NKAIN3: variants seen among roughly 807,000 people sequenced by gnomAD.
NKAIN3 encodes the protein sodium/potassium-transporting ATPase subunit beta-1-interacting protein 3.
NKAIN3 carries 25 observed loss-of-function variants against 30.2 expected under a neutral mutation model. The observed-to-expected ratio is 0.83, with a 90% confidence interval of 0.60 to 1.16. NKAIN3 has a LOEUF of 1.16. NKAIN3 is among the 50% of genes most tolerant of loss of function. The pLI, the probability that NKAIN3 is intolerant of heterozygous loss-of-function variation, is 0.00. For missense variants in NKAIN3, 225 were observed against 254.1 expected (o/e 0.89, Z 0.78); for synonymous variants, 91 against 89.6 (o/e 1.02, Z -0.09).
At chr8:62,866,595 A>G (rs895994449) in intron 4 of NKAIN3, among the ~76,000 whole-genome samples, 8 of 152,198 alleles carry the variant, frequency 5.3e-5, no homozygotes, top group African/African-American at 1.9e-4. Context: ...AGTGGATTCA[A>G]TGTCTTTTTA....
In NKAIN3 at chr8:62,711,712, T is replaced by A. The variant is rs548679671; in HGVS notation, c.274-35220T>A. On this transcript the variant is annotated intron_variant, in intron 3 of 6. Transcript: ENST00000623646. Reference sequence around the variant, plus strand: ...TCTGGTCCCTCCCTGATTAGCTTAATAACTAACCTCCTGAATTCTTTTTCA... The same window carrying A: ...TCTGGTCCCTCCCTGATTAGCTTAAAAACTAACCTCCTGAATTCTTTTTCA... Among the ~76,000 whole-genome samples, 7 of 152,328 alleles carry A rather than the reference T, an allele frequency of 4.6e-5. No individual in the cohort carries two copies. In the South Asian group the frequency reaches 1.5e-3, roughly 32 times the overall value.
At chr8:62,485,659 G>A (rs1156542610) in intron 1 of NKAIN3, among the ~76,000 whole-genome samples, 1 of 152,182 alleles carries the variant, frequency 6.6e-6, no homozygotes, top group Admixed American at 6.5e-5. Flanking sequence ...TGGCAGCAGT[G>A]CTGAGGACGG....
At chr8:62,756,626 G>T (rs574448151) in intron 4 of NKAIN3, among the ~76,000 whole-genome samples, 1 of 152,240 alleles carries the variant, frequency 6.6e-6, no homozygotes, top group South Asian at 2.1e-4. Flanking sequence ...CTGCGTTACA[G>T]ATAGCAACTG....
At chr8:62,793,424 G>C (rs1343850799) in intron 4 of NKAIN3, among the ~76,000 whole-genome samples, 1 of 152,144 alleles carries the variant, frequency 6.6e-6, no homozygotes, top group Admixed American at 6.5e-5. Flanking sequence ...TTTGGCTTCA[G>C]CTTTCTCAGC....
intron 4 of NKAIN3, chr8:62,864,148 G>T (rs879258470): frequency 1.6e-6 from 1 of 623,782 alleles, no homozygotes; most frequent in Admixed American, 2.9e-5. Context: ...GCGGAAACCA[G>T]CCGGGCTGCG....
At position 62,878,299 on chromosome 8, in the gene NKAIN3, T is replaced by A. The variant is rs540844336; in HGVS notation, c.472-40154T>A. On this transcript the variant is annotated intron_variant, in intron 4 of 6. Coordinates refer to ENST00000623646, the MANE Select transcript of NKAIN3 (RefSeq NM_001304533.3). Reference sequence around the variant, plus strand: ...CCAATGAAGACCATACTCCACTGAATCAAATAATCCTTTTCTTATCAATTA... The same window carrying A: ...CCAATGAAGACCATACTCCACTGAAACAAATAATCCTTTTCTTATCAATTA... Among the ~76,000 whole-genome samples, 3 of 152,214 alleles carry A rather than the reference T, an allele frequency of 2.0e-5. No homozygotes were observed. The East Asian group carries it at 5.8e-4, about 29-fold the overall frequency.
At chr8:62,452,982 TA>T (rs1479642532) in intron 1 of NKAIN3, among the ~76,000 whole-genome samples, 1 of 152,098 alleles carries the variant, frequency 6.6e-6, no homozygotes, top group African/African-American at 2.4e-5. Flanking sequence ...TAAGTTTGGG[TA>T]AATCAGAAAA....
At chr8:62,985,182 C>A (rs1563655304), downstream of NKAIN3, among the ~76,000 whole-genome samples, 3 of 152,214 alleles carry the variant, frequency 2.0e-5, no homozygotes, top group Non-Finnish European at 4.4e-5. Flanking sequence ...GGCTTCCCCA[C>A]CAATGCCCCT....
intron 1 of NKAIN3, among the ~76,000 whole-genome samples, chr8:62,357,142 G>C (rs1816387888): frequency 6.6e-6 from 1 of 151,134 alleles, no homozygotes; most frequent in South Asian, 2.1e-4. Flanking sequence ...AGGCATTCCA[G>C]GACCAGGTGC....
At chr8:62,987,685 G>A (rs535591894), downstream of NKAIN3, among the ~76,000 whole-genome samples, 1 of 152,038 alleles carries the variant, frequency 6.6e-6, no homozygotes, top group Admixed American at 6.5e-5. Flanking sequence ...TAACACATGG[G>A]AATTATGACA....
At chr8:62,532,110 T>G (rs1459899236) in intron 1 of NKAIN3, among the ~76,000 whole-genome samples, 2 of 152,228 alleles carry the variant, frequency 1.3e-5, no homozygotes, top group Admixed American at 1.3e-4. Context: ...TCTGATGCTT[T>G]CTTTCTTGAA....
chr8:62,821,199 A>G (rs1460849802), intron 4 of NKAIN3, among the ~76,000 whole-genome samples: 16 of 152,216 alleles, frequency 1.1e-4, no homozygotes, highest in Admixed American at 8.5e-4. Context: ...TACAAAGTCA[A>G]TTCTCAGATA....
chr8:62,856,295 C>G (rs1032386263), intron 4 of NKAIN3: 21 of 937,644 alleles, frequency 2.2e-5, no homozygotes, highest in Non-Finnish European at 3.2e-5. Context: ...ATTATAAATG[C>G]CCAGAGATCA....
intron 3 of NKAIN3, among the ~76,000 whole-genome samples, chr8:62,656,713 C>A (rs748535413): frequency 9.9e-5 from 15 of 152,142 alleles, no homozygotes; most frequent in Non-Finnish European, 1.9e-4. Flanking sequence ...CTAGTCACAA[C>A]CACTCCCCTG....
Position 62,891,755 on chromosome 8 carries a change from C to T in NKAIN3, c.472-26698C>T, listed in dbSNP as rs188410760. On this transcript the variant is annotated intron_variant, in intron 4 of 6. Transcript: ENST00000623646. ...ATGTAGATAAAAATCCTTCAAAAGC[C>T]ACAAGATATAGTTTCAGCCTTAAGA... 3.9e-5 allele frequency among the ~76,000 whole-genome samples: 6 copies of T among 152,210 alleles called. No individual in the cohort carries two copies. In the South Asian group the frequency reaches 1.0e-3, roughly 26 times the overall value.
intron 4 of NKAIN3, among the ~76,000 whole-genome samples, chr8:62,819,154 T>TATATATATATATATATATATATATATAA (rs1184020630): frequency 3.1e-5 from 1 of 32,720 alleles, no homozygotes; most frequent in African/African-American, 7.6e-5. Context: ...TATATATACA[T>TATATATATATATATATATATATATATAA]ATATATATAT....
intron 3 of NKAIN3, among the ~76,000 whole-genome samples, chr8:62,623,370 A>G (rs1156860111): frequency 6.6e-6 from 1 of 152,138 alleles, no homozygotes; most frequent in Non-Finnish European, 1.5e-5. Flanking sequence ...ATGTAAAATG[A>G]TCTTAAATAA....
At chr8:62,913,561 A>C (rs938223947) in intron 4 of NKAIN3, among the ~76,000 whole-genome samples, 8 of 152,230 alleles carry the variant, frequency 5.3e-5, no homozygotes, top group Non-Finnish European at 2.9e-5. Flanking sequence ...GATGAATTAC[A>C]ATCTCTGTGC....
At chr8:62,452,148 A>G (rs1223855186) in intron 1 of NKAIN3, among the ~76,000 whole-genome samples, 1 of 152,144 alleles carries the variant, frequency 6.6e-6, no homozygotes, top group Non-Finnish European at 1.5e-5. Flanking sequence ...CAATTTATAT[A>G]TTAAACCAAA....
Sources: allele counts gnomAD v4.1 joint callset (sites outside exome capture counted in the v4.1 genomes callset), GRCh38; gene constraint gnomAD v4.1.1; transcripts MANE v1.5; gene names NCBI Gene and HGNC (gene_info 2026-07-23, HGNC 2026-07-21).